The following PTPRT variants were observed in gnomAD, a reference collection of about 807,000 sequenced individuals.
PTPRT encodes protein tyrosine phosphatase receptor type T.
PTPRT carries 56 observed loss-of-function variants against 176.8 expected under a neutral mutation model. The ratio of observed to expected loss-of-function variants is 0.32; its 90% confidence interval spans 0.26 to 0.40. PTPRT has a LOEUF of 0.40. Among genes scored for constraint, PTPRT ranks in the 10% least tolerant of loss-of-function variants. The probability of loss-of-function intolerance (pLI) is 1.00; values close to 1 mark genes in which losing one functional copy is unlikely to be tolerated. For synonymous variants in PTPRT, 783 were observed against 739.0 expected (o/e 1.06, Z -0.96); for missense variants, 1,540 against 1,908.2 (o/e 0.81, Z 3.60).
At chr20:42,739,007 G>A (rs771112689) in intron 6 of PTPRT, among the ~76,000 whole-genome samples, 20 of 152,154 alleles carry the variant, frequency 1.3e-4, no homozygotes, top group Non-Finnish European at 2.9e-4. Flanking sequence ...GGTTGAAGCT[G>A]CAGTGAGCCA....
intron 7 of PTPRT, among the ~76,000 whole-genome samples, chr20:42,493,671 G>A (rs912847256): frequency 3.3e-5 from 5 of 152,170 alleles, no homozygotes; most frequent in South Asian, 2.1e-4. Flanking sequence ...GACATTTCAC[G>A]TAGCCCCACA....
chr20:42,283,048 CT>C (rs971767889), intron 12 of PTPRT, among the ~76,000 whole-genome samples: 6 of 152,252 alleles, frequency 3.9e-5, no homozygotes, highest in Admixed American at 3.3e-4. Flanking sequence ...TACTTTTCCC[CT>C]GAGCTCTTGT....
chr20:43,094,722 T>C lies in PTPRT; in HGVS notation c.88+94924A>G, dbSNP rs550812024. ...TCTTCTCTTTATTTATCACCTTAGG[T>C]GTTTATTGTTTGGCTTCCCTGTTAC... On this transcript the variant is annotated intron_variant, in intron 1 of 30. Transcript: ENST00000373187. Among the ~76,000 whole-genome samples, 248 of 152,168 alleles carry C rather than the reference T, an allele frequency of 1.6e-3. No individual in the cohort carries two copies. The Middle Eastern group carries it at 0.02, about 13-fold the overall frequency.
chr20:42,155,656 T>C (rs1372562170), intron 17 of PTPRT, among the ~76,000 whole-genome samples: 1 of 152,210 alleles, frequency 6.6e-6, no homozygotes, highest in Non-Finnish European at 1.5e-5. Flanking sequence ...ATACATTATT[T>C]CAAATAATTG....
intron 9 of PTPRT, among the ~76,000 whole-genome samples, chr20:42,440,415 C>T (rs6030243): frequency 0.012 from 1,776 of 151,906 alleles, 38 homozygotes; most frequent in African/African-American, 0.041. Context: ...GTGAAAGCTA[C>T]TATTTTAGGT....
intron 9 of PTPRT, among the ~76,000 whole-genome samples, chr20:42,412,888 A>G (rs1461312400): frequency 6.6e-6 from 1 of 152,158 alleles, no homozygotes; most frequent in Admixed American, 6.6e-5. Flanking sequence ...AGGGCCGAGC[A>G]CAGGGAAGAA....
chr20:42,260,075 G>C (rs901235082), intron 13 of PTPRT, among the ~76,000 whole-genome samples: 1 of 152,226 alleles, frequency 6.6e-6, no homozygotes, highest in Non-Finnish European at 1.5e-5. Flanking sequence ...TAGGGGGAGA[G>C]GAAAGTGCAA....
intron 9 of PTPRT, among the ~76,000 whole-genome samples, chr20:42,394,851 GC>G (rs1201498724): frequency 3.9e-5 from 6 of 152,162 alleles, no homozygotes; most frequent in African/African-American, 1.4e-4. Flanking sequence ...AATAGATTGA[GC>G]CCATTTTACA....
rs138324754 is a variant in PTPRT, at chr20:42,463,504, C to A, written c.1450+8762G>T. ...TAATTAAACCAGATGTTTTCTTGTG[C>A]CTTAAAGTCAGGTGGTAATTTAAGG... On this transcript the variant is annotated intron_variant, in intron 8 of 30. Transcript: ENST00000373187. 9.9e-5 allele frequency among the ~76,000 whole-genome samples: 15 copies of A among 152,166 alleles called. No homozygotes were observed. The East Asian group carries it at 2.3e-3, about 23-fold the overall frequency.
Position 42,078,898 on chromosome 20 carries a change from T to C in PTPRT, c.*1981A>G, listed in dbSNP as rs1445952919. 2 of 175,592 alleles carry C rather than the reference T, an allele frequency of 1.1e-5. No homozygotes were observed. The highest frequency in any genetic ancestry group is 4.7e-5 in the African/African-American group (2 of 42,204). 10.9% of individuals were successfully genotyped at this position (175,592 alleles called of 1,614,324 possible). A position where few individuals can be genotyped will look rare whatever the true frequency, so the allele number is the denominator to read the frequency against. The stretch of plus-strand genomic sequence containing the variant: ...AGAGACTTTCTTGCTCCTAGGCTCA[T>C]GGAACACTCATCCACTCCACACTAC... On this transcript the variant is annotated 3_prime_UTR_variant, in exon 31 of 31. Transcript: ENST00000373187.
intron 1 of PTPRT, among the ~76,000 whole-genome samples, chr20:43,185,344 G>C (rs1222902883): frequency 1.3e-5 from 2 of 152,140 alleles, no homozygotes; most frequent in African/African-American, 4.8e-5. Context: ...GTGCTGTGCA[G>C]TTGATCTCCA....
At chr20:42,220,906 C>A (rs8123807) in intron 15 of PTPRT, among the ~76,000 whole-genome samples, 28,856 of 152,218 alleles carry the variant, frequency 0.19, 3,002 homozygotes, top group African/African-American at 0.22. Flanking sequence ...TGATAAATTT[C>A]ATACCAATTG....
chr20:42,842,522 CA>C (rs1232604403), intron 2 of PTPRT, among the ~76,000 whole-genome samples: 1 of 152,022 alleles, frequency 6.6e-6, no homozygotes, highest in Non-Finnish European at 1.5e-5. Flanking sequence ...CAGATTCAAG[CA>C]ATTCTCCTGC....
chr20:42,997,721 T>G (rs910399023), intron 1 of PTPRT, among the ~76,000 whole-genome samples: 1 of 152,200 alleles, frequency 6.6e-6, no homozygotes, highest in Non-Finnish European at 1.5e-5. Context: ...AGGACTTAGC[T>G]TAGTGCCTAG....
chr20:42,492,833 G>T (rs549233006), intron 7 of PTPRT, among the ~76,000 whole-genome samples: 9 of 152,218 alleles, frequency 5.9e-5, no homozygotes, highest in Admixed American at 6.5e-5. Flanking sequence ...ATGATTTTGA[G>T]TGTGCTCAAA....
At position 42,080,484 on chromosome 20, in the gene PTPRT, C is replaced by T. The variant is rs367859150; in HGVS notation, c.*395G>A. ...TAGAGGAGCAGAACACACATCTCCTCCACTCCTAAGGAGAAGGAGGGCAGG... is the reference window on the plus strand; with the variant it reads ...TAGAGGAGCAGAACACACATCTCCTTCACTCCTAAGGAGAAGGAGGGCAGG... On this transcript the variant is annotated 3_prime_UTR_variant, in exon 31 of 31. Transcript: ENST00000373187. 1.2e-4 allele frequency: 31 copies of T among 254,798 alleles called. No individual in the cohort carries two copies. Among genetic ancestry groups the T allele is most frequent in the East Asian group, 7.6e-4 (13 of 16,994 alleles). The allele number at this position is 254,798 out of a possible 1,614,324, so 15.8% of individuals were successfully genotyped here.
At chr20:42,399,286 T>C (rs1248451488) in intron 9 of PTPRT, among the ~76,000 whole-genome samples, 1 of 152,236 alleles carries the variant, frequency 6.6e-6, no homozygotes, top group Non-Finnish European at 1.5e-5. Context: ...TATAACACTT[T>C]ATGCATTGTA....
chr20:42,916,847 G>C (rs1978795720), intron 1 of PTPRT, among the ~76,000 whole-genome samples: 1 of 152,134 alleles, frequency 6.6e-6, no homozygotes, highest in South Asian at 2.1e-4. Flanking sequence ...GCTCATTGTA[G>C]ATTCTGGATA....
At chr20:42,624,989 A>T (rs1329320871) in intron 7 of PTPRT, among the ~76,000 whole-genome samples, 1 of 152,188 alleles carries the variant, frequency 6.6e-6, no homozygotes, top group Non-Finnish European at 1.5e-5. Flanking sequence ...CTGGCAGCCA[A>T]AGTGAAAAGG....
Sources: allele counts gnomAD v4.1 joint callset (sites outside exome capture counted in the v4.1 genomes callset), GRCh38; gene constraint gnomAD v4.1.1; transcripts MANE v1.5; gene names NCBI Gene and HGNC (gene_info 2026-07-23, HGNC 2026-07-21).